Variants in BUB1B observed in about 807,000 individuals in gnomAD.
BUB1B encodes BUB1 mitotic checkpoint serine/threonine kinase B, also known as mitotic checkpoint serine/threonine-protein kinase BUB1 beta.
In BUB1B, 86 loss-of-function variants were observed where a neutral mutation model predicts 137.7. That is an observed-to-expected ratio of 0.62 (90% CI 0.52 to 0.75). The LOEUF (loss-of-function observed/expected upper bound fraction) is 0.75, where lower values mean the gene tolerates loss of function less well. BUB1B is among the 30% of genes least tolerant of loss of function. BUB1B has a pLI of 0.00. For missense variants in BUB1B, 1,130 were observed against 1,236.9 expected (o/e 0.91, Z 1.30); for synonymous variants, 420 against 417.9 (o/e 1.00, Z -0.06).
At chr15:40,220,382 G>T (rs1334093417) in intron 22 of BUB1B, among the ~76,000 whole-genome samples, 182 bp from the exon 23 acceptor site, 1 of 152,062 alleles carries the variant, frequency 6.6e-6, no homozygotes, top group African/African-American at 2.4e-5. Context: ...TCCCACTATG[G>T]TAGCCCTTTT....
In BUB1B at chr15:40,183,872, G is replaced by A; in HGVS notation, c.740G>A (p.Gly247Asp). 1.9e-6 allele frequency: 3 copies of A among 1,614,050 alleles called. No homozygotes were observed. The highest frequency in any genetic ancestry group is 2.5e-6 in the Non-Finnish European group (3 of 1,179,938). ...AGAGCTCCAATCATCCGTGTAGGAG[G>A]TGCTCTCAAGGGTAAGTTTGTTAAA... ...TARAPIIRVG[G>D]ALKAPSQNRG... Residue 247 changes from glycine to aspartate, a missense_variant, in exon 6 of 23, where the codon GGT (glycine) becomes GAT (aspartate). Gly to Asp is a moderately conservative substitution (Grantham distance 94, BLOSUM62 -1). Coordinates refer to ENST00000287598, the MANE Select transcript of BUB1B (RefSeq NM_001211.6).
intron 6 of BUB1B, 124 bp from the exon 7 acceptor site, chr15:40,185,041 C>CTTTTTTTTTT: frequency 1.7e-6 from 1 of 599,128 alleles, no homozygotes; most frequent in Non-Finnish European, 2.7e-6. Flanking sequence ...TTTAAAATTT[C>CTTTTTTTTTT]TTTTTTTTTT....
chr15:40,206,934 C>T (rs1320872376), intron 15 of BUB1B, among the ~76,000 whole-genome samples: 1 of 152,136 alleles, frequency 6.6e-6, no homozygotes, highest in Non-Finnish European at 1.5e-5. Flanking sequence ...CTCAGCCTCC[C>T]AAGTAGCTGG....
In BUB1B at chr15:40,212,542, A is replaced by G; in HGVS notation, c.2429A>G (p.Lys810Arg). 1.9e-6 allele frequency: 3 copies of G among 1,613,112 alleles called. No homozygotes were observed. The highest frequency in any genetic ancestry group is 2.5e-6 in the Non-Finnish European group (3 of 1,179,262). ...PVPWDFYINL[K>R]LKERLNEDFD... ...CCATGGGACTTTTATATCAACCTCAAGTTAAAGGAACGTTTAAATGAAGAT... is the reference window on the plus strand; with the variant it reads ...CCATGGGACTTTTATATCAACCTCAGGTTAAAGGAACGTTTAAATGAAGAT... Residue 810 changes from lysine to arginine, a missense_variant, in exon 19 of 23, where the codon AAG (lysine) becomes AGG (arginine). Lys to Arg is a conservative substitution (Grantham distance 26). Coordinates refer to ENST00000287598, the MANE Select transcript of BUB1B (RefSeq NM_001211.6).
chr15:40,202,490 G>GTT, intron 13 of BUB1B, 25 bp downstream of exon 13: 2 of 1,595,550 alleles, frequency 1.3e-6, no homozygotes, highest in Non-Finnish European at 1.7e-6. Context: ...TGTTTTTTTG[G>GTT]TTTTTTTTTA....
chr15:40,196,418 T>A, intron 8 of BUB1B, 127 bp from the exon 9 acceptor site: 1 of 836,246 alleles, frequency 1.2e-6, no homozygotes, highest in Non-Finnish European at 1.9e-6. Context: ...TCAGGTAATG[T>A]AAGGCCTCCA....
At chr15:40,167,342 CTTT>C (rs767161007) in intron 2 of BUB1B, among the ~76,000 whole-genome samples, 4 of 77,098 alleles carry the variant, frequency 5.2e-5, no homozygotes, top group African/African-American at 2.4e-4. Context: ...TTCATTTTAG[CTTT>C]TTTTTTTTTT....
chr15:40,170,570 A>G lies in BUB1B; in HGVS notation c.273A>G (p.Gln91=), dbSNP rs751056896. Reference sequence around the variant, plus strand: ...GCTGGACAGAGCAGAACTATCCTCAAGGTGGGAAGGAGAGTAATATGTCAA... The same window carrying G: ...GCTGGACAGAGCAGAACTATCCTCAGGGTGGGAAGGAGAGTAATATGTCAA... ...YISWTEQNYP[Q]GGKESNMSTL... is the part of the protein sequence containing the mutation. Residue 91 remains glutamine, a synonymous_variant, in exon 4 of 23, where the codon CAA becomes CAG. Coordinates refer to ENST00000287598, the MANE Select transcript of BUB1B (RefSeq NM_001211.6). 1.2e-6 allele frequency: 2 copies of G among 1,613,564 alleles called. No individual in the cohort carries two copies. Among genetic ancestry groups the G allele is most frequent in the Non-Finnish European group, 1.7e-6 (2 of 1,179,518 alleles).
chr15:40,215,435 G>C (rs541379840), intron 20 of BUB1B, among the ~76,000 whole-genome samples: 1 of 151,874 alleles, frequency 6.6e-6, no homozygotes, highest in Admixed American at 6.6e-5. Flanking sequence ...TCGCACCATT[G>C]TACTCCAGTC....
intron 8 of BUB1B, among the ~76,000 whole-genome samples, chr15:40,192,737 G>A (rs2037451946): frequency 6.6e-6 from 1 of 152,210 alleles, no homozygotes; most frequent in Non-Finnish European, 1.5e-5. Flanking sequence ...TTATAGTGCT[G>A]AATGATATTC....
chr15:40,219,543 C>A (rs952676308), intron 22 of BUB1B, among the ~76,000 whole-genome samples: 7 of 152,040 alleles, frequency 4.6e-5, no homozygotes, highest in Non-Finnish European at 1.0e-4. Context: ...CATGGCGAAA[C>A]CTTGTCTCTA....
At chr15:40,161,482 G>GC (rs1314006757) in intron 1 of BUB1B, among the ~76,000 whole-genome samples, 1 of 152,206 alleles carries the variant, frequency 6.6e-6, no homozygotes, top group Non-Finnish European at 1.5e-5. Context: ...GAAGAAGGCT[G>GC]CGGGACCCCA....
chr15:40,183,986 G>T, intron 6 of BUB1B, 103 bp downstream of exon 6: 1 of 1,260,818 alleles, frequency 7.9e-7, no homozygotes. Flanking sequence ...CTAGTTTGCT[G>T]AATACTGAGT....
At chr15:40,195,307 A>AT (rs1489131065) in intron 8 of BUB1B, among the ~76,000 whole-genome samples, 1 of 152,078 alleles carries the variant, frequency 6.6e-6, no homozygotes, top group Admixed American at 6.5e-5. Flanking sequence ...TTCAAATGCC[A>AT]TTTTTTTGTT....
chr15:40,219,798 C>A (rs1175839818), intron 22 of BUB1B, among the ~76,000 whole-genome samples: 1 of 151,784 alleles, frequency 6.6e-6, no homozygotes, highest in African/African-American at 2.4e-5. Flanking sequence ...TTGTTATATT[C>A]TTTGGTTAAA....
chr15:40,170,155 C>CATTAACAGATA (rs1396872017), intron 3 of BUB1B, 34 bp downstream of exon 3: 2 of 1,575,936 alleles, frequency 1.3e-6, no homozygotes, highest in South Asian at 2.2e-5. Context: ...ACAATAGAAA[C>CATTAACAGATA]ATTAACAGAT....
intron 4 of BUB1B, among the ~76,000 whole-genome samples, chr15:40,173,055 C>T (rs1225319202): frequency 6.6e-6 from 1 of 152,000 alleles, no homozygotes; most frequent in African/African-American, 2.4e-5. Flanking sequence ...GTAAGTGTAT[C>T]ATCTGAGGTT....
In BUB1B at chr15:40,185,649, G is replaced by A. The variant is rs904070234; in HGVS notation, c.1058+7G>A. ...CTGCACGACAGCCAGTTATGTGAGTGTGGTTTTTGGATATTTTGAAGTGGG... is the reference window on the plus strand; with the variant it reads ...CTGCACGACAGCCAGTTATGTGAGTATGGTTTTTGGATATTTTGAAGTGGG... On this transcript the variant is annotated splice_region_variant and intron_variant, in intron 8 of 22. Transcript: ENST00000287598. 1.2e-6 allele frequency: 2 copies of A among 1,610,150 alleles called. No homozygotes were observed. Among genetic ancestry groups the A allele is most frequent in the Non-Finnish European group, 8.5e-7 (1 of 1,176,376 alleles).
In BUB1B at chr15:40,176,467, TC is replaced by T; in HGVS notation, c.385-9del. Reference sequence around the variant, plus strand: ...TAGAAATTGGTTAACTGTTAACACTTCTGTTACAGGGGCGTTTATGCAATGA... The same window carrying T: ...TAGAAATTGGTTAACTGTTAACACTTTGTTACAGGGGCGTTTATGCAATGA... On this transcript the variant is annotated splice_polypyrimidine_tract_variant and intron_variant, in intron 4 of 22. Transcript: ENST00000287598. 1 of 1,614,034 alleles carries T rather than the reference TC, an allele frequency of 6.2e-7. No homozygotes were observed. Among genetic ancestry groups the T allele is most frequent in the Non-Finnish European group, 8.5e-7 (1 of 1,179,900 alleles).
Sources: gnomAD v4.1 joint callset for allele counts (sites outside exome capture counted in the v4.1 genomes callset) on GRCh38, gnomAD v4.1.1 for gene constraint, MANE v1.5 for transcripts, NCBI Gene and HGNC (gene_info 2026-07-23, HGNC 2026-07-21) for gene names.